The following MYT1L variants were observed in gnomAD, a reference collection of about 807,000 sequenced individuals.
MYT1L encodes the protein myelin transcription factor 1 like.
Under a neutral mutation model 126.7 loss-of-function variants are expected in MYT1L, and 12 were observed. The ratio of observed to expected loss-of-function variants is 0.09; its 90% CI spans 0.06 to 0.15. The LOEUF is 0.15. Among genes scored for constraint, MYT1L ranks in the 10% least tolerant of loss-of-function variants. The pLI, the probability that MYT1L is intolerant of heterozygous loss-of-function variation, is 1.00. For synonymous variants in MYT1L, 541 were observed against 604.2 expected (o/e 0.90, Z 1.53); for missense variants, 979 against 1,585.2 (o/e 0.62, Z 6.49).
At chr2:1,856,093 C>G (rs2043879306) in intron 18 of MYT1L, among the ~76,000 whole-genome samples, 1 of 152,026 alleles carries the variant, frequency 6.6e-6, no homozygotes, top group South Asian at 2.1e-4. Context: ...CAAAACAAAA[C>G]AAAACCACCC....
rs114763751 is a variant in MYT1L, at chr2:1,929,891, C to T, written c.506-6628G>A. On this transcript the variant is annotated intron_variant, in intron 9 of 24. Coordinates refer to ENST00000647738, the MANE Select transcript of MYT1L (RefSeq NM_001303052.2). The surrounding 1 kb of genome is among the most constrained non-coding windows in gnomAD (Gnocchi z 4.7). The stretch of plus-strand genomic sequence containing the variant: ...CATCTTGGTTTTGCTACATCTCAAG[C>T]CTTTCCTCTACCTTTCAAAACCGGG... Among the ~76,000 whole-genome samples the T allele has an allele frequency of 5.4e-3, 828 of 152,310 alleles. 7 individuals are homozygous for T. Among genetic ancestry groups the T allele is most frequent in the African/African-American group, 0.019 (782 of 41,572 alleles).
intron 4 of MYT1L, among the ~76,000 whole-genome samples, chr2:2,000,868 T>C (rs1333855720): frequency 6.6e-6 from 1 of 152,198 alleles, no homozygotes; most frequent in Non-Finnish European, 1.5e-5. Context: ...ATGCTATGCA[T>C]GCGTGGTGTT....
chr2:2,091,965 G>A (rs2150389791), intron 3 of MYT1L, among the ~76,000 whole-genome samples: 1 of 152,222 alleles, frequency 6.6e-6, no homozygotes. Flanking sequence ...GAATATTGTG[G>A]CTGCTCTAAT....
chr2:1,793,956 G>A lies in MYT1L; in HGVS notation c.3277-1492C>T, dbSNP rs1032654557. Reference sequence around the variant, plus strand: ...TCTGTAGCCCTTCCTGGGTGGCCACGTGCCTGCACTCACAGCTGGTGGCAG... The same window carrying A: ...TCTGTAGCCCTTCCTGGGTGGCCACATGCCTGCACTCACAGCTGGTGGCAG... On this transcript the variant is annotated intron_variant, in intron 23 of 24. Transcript: ENST00000647738. This position sits in a 1 kb window ranked among gnomAD's most constrained non-coding sequence, Gnocchi z 4.6. 2.6e-5 allele frequency among the ~76,000 whole-genome samples: 4 copies of A among 152,180 alleles called. No individual in the cohort carries two copies. The highest frequency in any genetic ancestry group is 2.9e-5 in the Non-Finnish European group (2 of 68,022).
chr2:1,934,130 A>G (rs187214169), intron 9 of MYT1L, among the ~76,000 whole-genome samples: 7,693 of 142,488 alleles, frequency 0.054, 307 homozygotes, highest in East Asian at 0.2. Flanking sequence ...ACCCGCCACC[A>G]CGCCTGGCTA....
intron 3 of MYT1L, among the ~76,000 whole-genome samples, chr2:2,134,755 A>G (rs1415973759): frequency 1.3e-5 from 2 of 152,112 alleles, no homozygotes; most frequent in Non-Finnish European, 2.9e-5. Context: ...TTTTTAAGCT[A>G]CCCAGTTTGT....
chr2:2,183,041 G>A (rs1273199053), intron 2 of MYT1L, among the ~76,000 whole-genome samples: 1 of 152,184 alleles, frequency 6.6e-6, no homozygotes, highest in Admixed American at 6.5e-5. Context: ...GCTTTGAGAA[G>A]GTCATGTCAT....
At chr2:1,909,837 C>T (rs1315300917) in intron 13 of MYT1L, among the ~76,000 whole-genome samples, 3 of 152,150 alleles carry the variant, frequency 2.0e-5, no homozygotes, top group Admixed American at 6.5e-5. Flanking sequence ...CCCCTGGCAT[C>T]GTCAGAAACA....
chr2:2,251,211 T>C (rs1414470502), intron 2 of MYT1L, among the ~76,000 whole-genome samples: 1 of 152,204 alleles, frequency 6.6e-6, no homozygotes, highest in Non-Finnish European at 1.5e-5. Flanking sequence ...TTAGAGGTGA[T>C]TTATTTTTCT....
At chr2:1,821,212 TTTTC>T (rs762539151) in intron 21 of MYT1L, among the ~76,000 whole-genome samples, 30 of 152,316 alleles carry the variant, frequency 2.0e-4, no homozygotes, top group Non-Finnish European at 3.5e-4. Context: ...ATTTTCCTTG[TTTTC>T]TTTCTTTGGG....
chr2:1,878,978 C>T (rs1573147381), intron 18 of MYT1L, among the ~76,000 whole-genome samples: 1 of 151,812 alleles, frequency 6.6e-6, no homozygotes, highest in Non-Finnish European at 1.5e-5. Flanking sequence ...TGTAAAAATG[C>T]AAAAAAACAA....
At chr2:2,052,284 A>G (rs536615041) in intron 4 of MYT1L, among the ~76,000 whole-genome samples, 186 of 152,286 alleles carry the variant, frequency 1.2e-3, no homozygotes, top group African/African-American at 4.3e-3. Flanking sequence ...AGAAAAATTA[A>G]CTCCAAATGG....
Position 1,791,470 on chromosome 2 carries a change from G to A in MYT1L, c.*397C>T, listed in dbSNP as rs2032076426. On this transcript the variant is annotated 3_prime_UTR_variant, in exon 25 of 25. Coordinates refer to ENST00000647738, the MANE Select transcript of MYT1L (RefSeq NM_001303052.2). This position sits in a 1 kb window ranked among gnomAD's most constrained non-coding sequence, Gnocchi z 6.0. ...TGATCATTCAAAGCTGTGGGTCTGTGTGTGCGTGTGTGTGTTTGTGTGTCC... is the reference window on the plus strand; with the variant it reads ...TGATCATTCAAAGCTGTGGGTCTGTATGTGCGTGTGTGTGTTTGTGTGTCC... 1 of 346,006 alleles carries A rather than the reference G, an allele frequency of 2.9e-6. No individual in the cohort carries two copies. The highest frequency in any genetic ancestry group is 2.1e-5 in the African/African-American group (1 of 46,674). The allele number at this position is 346,006 out of a possible 1,614,324, so 21.4% of individuals were successfully genotyped here.
chr2:2,102,778 C>T (rs1253853900), intron 3 of MYT1L, among the ~76,000 whole-genome samples: 6 of 151,978 alleles, frequency 3.9e-5, no homozygotes, highest in Non-Finnish European at 7.4e-5. Context: ...TCCTGCATCT[C>T]GGTAGCACTC....
chr2:1,922,594 C>G lies in MYT1L; in HGVS notation c.1175G>C (p.Arg392Pro). 1.2e-6 allele frequency: 2 copies of G among 1,613,958 alleles called. No individual in the cohort carries two copies. The highest frequency in any genetic ancestry group is 2.2e-5 in the South Asian group (2 of 91,074). ...LMRLEEQLSP[R>P]SRVFASCAKE... Reference sequence around the variant, plus strand: ...CGCACAGCTGGCAAACACTCTCGACCGGGGGCTCAACTGCTCCTCCAGCCG... The same window carrying G: ...CGCACAGCTGGCAAACACTCTCGACGGGGGGCTCAACTGCTCCTCCAGCCG... The change falls in exon 10 of 25, where the codon CGG becomes CCG. Residue 392 changes from arginine to proline, a missense_variant. By Grantham distance (103) the Arg-to-Pro change is moderately radical. This residue lies in a region of MYT1L where 243 missense variants were observed against 363.9 expected (regional missense o/e 0.67). Transcript: ENST00000647738. The surrounding 1 kb of genome is among the most constrained non-coding windows in gnomAD (Gnocchi z 7.4).
intron 2 of MYT1L, among the ~76,000 whole-genome samples, chr2:2,271,212 A>C (rs955537839): frequency 6.6e-6 from 1 of 152,154 alleles, no homozygotes; most frequent in African/African-American, 2.4e-5. Flanking sequence ...TGCCAACAAC[A>C]TGGATTTTTA....
chr2:2,250,227 T>C (rs955034313), intron 2 of MYT1L, among the ~76,000 whole-genome samples: 4 of 152,208 alleles, frequency 2.6e-5, no homozygotes, highest in African/African-American at 9.6e-5. Context: ...CCATGTTTGC[T>C]GAAGCTCTGT....
At chr2:2,322,078 C>T (rs1323138352) in intron 1 of MYT1L, among the ~76,000 whole-genome samples, 1 of 152,004 alleles carries the variant, frequency 6.6e-6, no homozygotes, top group Non-Finnish European at 1.5e-5. Context: ...TATAGTACTC[C>T]TAAGAGTGTG....
At chr2:2,094,386 T>C (rs1172628461) in intron 3 of MYT1L, among the ~76,000 whole-genome samples, 3 of 152,130 alleles carry the variant, frequency 2.0e-5, no homozygotes, top group Non-Finnish European at 4.4e-5. Flanking sequence ...GATCTAGAAC[T>C]AGAAATACCA....
Sources: gnomAD v4.1 joint callset for allele counts (sites outside exome capture counted in the v4.1 genomes callset) on GRCh38, gnomAD v4.1.1 for gene constraint, gnomAD v4.1.1 regional missense constraint, Gnocchi (gnomAD v3.1) non-coding constraint, MANE v1.5 for transcripts, NCBI Gene and HGNC (gene_info 2026-07-23, HGNC 2026-07-21) for gene names.